Variants in DMD observed in about 807,000 individuals in gnomAD.
The protein encoded by DMD is dystrophin, also known as mutant dystrophin.
A neutral mutation model predicts 330.1 loss-of-function variants in DMD; 63 were observed. That is an observed-to-expected ratio of 0.19 (90% confidence interval 0.16 to 0.24). The LOEUF is 0.24. Ranked by LOEUF, DMD falls within the 10% of genes least tolerant of loss-of-function variation. The probability of loss-of-function intolerance (pLI) is 1.00; values close to 1 mark genes in which losing one functional copy is unlikely to be tolerated. For missense variants in DMD, 3,344 were observed against 2,684.1 expected (o/e 1.25, Z -5.43); for synonymous variants, 1,223 against 959.8 (o/e 1.27, Z -5.07).
At position 31,434,418 on chromosome X, in the gene DMD, GCACACACACACACACACACACACACA is replaced by G. The variant is rs10572572; in HGVS notation, c.9084+10037_9084+10062del. On this transcript the variant is annotated intron_variant, in intron 60 of 78. Coordinates refer to ENST00000357033, the MANE Select transcript of DMD (RefSeq NM_004006.3). ...CTCTCACCCTTACTGCAGCGCGCGC[GCACACACACACACACACACACACACA>G]CACACACACACACACACACACACAC... 2.0e-3 allele frequency among the ~76,000 whole-genome samples: 154 copies of G among 78,062 alleles called. 5 individuals are homozygous for G. Among genetic ancestry groups the G allele is most frequent in the African/African-American group, 4.7e-3 (108 of 23,068 alleles). The allele number at this position is 78,062 out of a possible 115,157, so 67.8% of individuals were successfully genotyped here.
chrX:31,876,896 A>C (rs2149686582), intron 47 of DMD, among the ~76,000 whole-genome samples: 1 of 111,112 alleles, frequency 9.0e-6, no homozygotes, highest in African/African-American at 3.3e-5. Context: ...ATATGAATAA[A>C]ATTTTATAAT....
chrX:32,978,033 C>G (rs1456551404), intron 2 of DMD, among the ~76,000 whole-genome samples: 1 of 111,941 alleles, frequency 8.9e-6, no homozygotes, highest in Admixed American at 9.5e-5. Context: ...ATTGACAAAA[C>G]TATTACCAGT....
intron 57 of DMD, among the ~76,000 whole-genome samples, chrX:31,483,997 T>TTA: frequency 9.1e-6 from 1 of 109,666 alleles, no homozygotes; most frequent in African/African-American, 3.3e-5. Flanking sequence ...CTTTATGTAG[T>TTA]AAAAAAAAAG....
chrX:31,472,504 A>C (rs1365752241), intron 59 of DMD, among the ~76,000 whole-genome samples: 2 of 112,322 alleles, frequency 1.8e-5, no homozygotes, highest in Non-Finnish European at 3.8e-5. Flanking sequence ...AGTGAAGATG[A>C]AATTCTAATA....
intron 52 of DMD, among the ~76,000 whole-genome samples, chrX:31,698,078 A>G (rs1344575908): frequency 5.3e-5 from 6 of 112,402 alleles, no homozygotes. Context: ...AATGAATTAT[A>G]GTTATCAACA....
At chrX:32,971,706 T>C (rs2092387659) in intron 2 of DMD, among the ~76,000 whole-genome samples, 1 of 111,116 alleles carries the variant, frequency 9.0e-6, no homozygotes, top group Non-Finnish European at 1.9e-5. Flanking sequence ...ATTTCTCTTA[T>C]AATTTTCTAT....
intron 13 of DMD, among the ~76,000 whole-genome samples, chrX:32,591,804 C>T (rs752997639): frequency 1.1e-3 from 130 of 113,077 alleles, no homozygotes; most frequent in Non-Finnish European, 2.0e-3. Flanking sequence ...CATTCCTGCG[C>T]TCTTGGGGGC....
chrX:31,408,027 C>T (rs762112912), intron 60 of DMD, among the ~76,000 whole-genome samples: 3 of 112,157 alleles, frequency 2.7e-5, no homozygotes, highest in East Asian at 5.6e-4. Context: ...TAAAATGTTT[C>T]GATTTAATGA....
chrX:32,488,592 C>A (rs1254345019), intron 20 of DMD, among the ~76,000 whole-genome samples: 1 of 111,478 alleles, frequency 9.0e-6, no homozygotes, highest in Non-Finnish European at 1.9e-5. Flanking sequence ...TAAAGTGATT[C>A]TTCAAATTAA....
At chrX:31,207,953 G>A (rs185352015) in intron 65 of DMD, among the ~76,000 whole-genome samples, 31 of 111,180 alleles carry the variant, frequency 2.8e-4, no homozygotes, top group African/African-American at 9.2e-4. Context: ...CCCCCGTGAC[G>A]TGAGTTTACC....
chrX:32,668,684 G>C (rs1362800381), intron 9 of DMD, among the ~76,000 whole-genome samples: 1 of 110,608 alleles, frequency 9.0e-6, no homozygotes, highest in Non-Finnish European at 1.9e-5. Context: ...ATGTTAAACT[G>C]TTCCAGTGAT....
chrX:31,381,696 T>C (rs1335497442), intron 60 of DMD, among the ~76,000 whole-genome samples: 1 of 112,093 alleles, frequency 8.9e-6, no homozygotes, highest in Admixed American at 9.5e-5. Flanking sequence ...GGTTTATTGA[T>C]GGCAGTTCCA....
chrX:32,731,398 G>A (rs760119546), intron 7 of DMD, among the ~76,000 whole-genome samples: 3 of 112,635 alleles, frequency 2.7e-5, no homozygotes, highest in Non-Finnish European at 5.6e-5. Context: ...CTTGAACTGG[G>A]TGGAGCCCAC....
chrX:31,151,473 T>C (rs1014898152), intron 74 of DMD, among the ~76,000 whole-genome samples: 6 of 112,294 alleles, frequency 5.3e-5, no homozygotes, highest in Admixed American at 9.4e-5. Flanking sequence ...GACAGGAGAC[T>C]GCCTTTTCTA....
chrX:33,178,318 G>T (rs1055369532), intron 1 of DMD, among the ~76,000 whole-genome samples: 1 of 111,863 alleles, frequency 8.9e-6, no homozygotes, highest in African/African-American at 3.3e-5. Flanking sequence ...TTACATCGAA[G>T]ACCGAAAGTT....
chrX:31,688,704 G>T (rs1306723112), intron 52 of DMD, among the ~76,000 whole-genome samples: 1 of 110,921 alleles, frequency 9.0e-6, no homozygotes, highest in Non-Finnish European at 1.9e-5. Context: ...GATGAACATC[G>T]ATGCAAAAAT....
chrX:31,938,580 C>T (rs1166577893), intron 45 of DMD, among the ~76,000 whole-genome samples: 1 of 111,591 alleles, frequency 9.0e-6, no homozygotes, highest in African/African-American at 3.3e-5. Context: ...CATGGATGCA[C>T]TTGTTGTTGC....
At chrX:32,763,299 T>G (rs2072560078) in intron 7 of DMD, among the ~76,000 whole-genome samples, 1 of 112,249 alleles carries the variant, frequency 8.9e-6, no homozygotes, top group Non-Finnish European at 1.9e-5. Flanking sequence ...TCTCAGGATC[T>G]TGAAGTCTAT....
intron 43 of DMD, among the ~76,000 whole-genome samples, chrX:32,271,184 A>G (rs1192583761): frequency 8.9e-6 from 1 of 111,954 alleles, no homozygotes; most frequent in Non-Finnish European, 1.9e-5. Flanking sequence ...GACAAGTGAA[A>G]GAACTGAAGA....
Sources: allele counts gnomAD v4.1 joint callset (sites outside exome capture counted in the v4.1 genomes callset), GRCh38; gene constraint gnomAD v4.1.1; transcripts MANE v1.5; gene names NCBI Gene and HGNC (gene_info 2026-07-23, HGNC 2026-07-21).